KDM1A: variants seen among roughly 807,000 people sequenced by gnomAD.
The protein encoded by KDM1A is lysine-specific histone demethylase 1A.
KDM1A carries 49 observed loss-of-function variants against 109.4 expected under a neutral mutation model. That is an observed-to-expected ratio of 0.45 (90% CI 0.36 to 0.57). KDM1A has a LOEUF of 0.57. Ranked by LOEUF, KDM1A falls within the 20% of genes least tolerant of loss-of-function variation. The pLI is 0.00. For synonymous variants in KDM1A, 380 were observed against 415.4 expected, an observed-to-expected ratio of 0.91 and a Z score of 1.04; for missense variants, 668 against 1,116.6, an observed-to-expected ratio of 0.60 and a Z score of 5.73.
intron 1 of KDM1A, among the ~76,000 whole-genome samples, chr1:23,022,526 G>T (rs1557489900): frequency 6.6e-6 from 1 of 151,798 alleles, no homozygotes. Flanking sequence ...TTTTAGTAGA[G>T]ATGGGGTTTC....
chr1:23,070,269 C>G (rs960488547), intron 12 of KDM1A, among the ~76,000 whole-genome samples: 5 of 152,114 alleles, frequency 3.3e-5, no homozygotes, highest in African/African-American at 1.2e-4. Flanking sequence ...GTCAAGAGCT[C>G]GAGATCAGCC....
chr1:23,056,156 C>A, intron 7 of KDM1A, 118 bp downstream of exon 7: 1 of 658,448 alleles, frequency 1.5e-6, no homozygotes. Flanking sequence ...TTGTATAATA[C>A]TCAGAGTATT....
chr1:23,033,003 A>G (rs974425414), intron 2 of KDM1A, among the ~76,000 whole-genome samples: 3 of 152,098 alleles, frequency 2.0e-5, no homozygotes, highest in Non-Finnish European at 4.4e-5. Flanking sequence ...GGGTTAAGCA[A>G]TTCTCCTGCC....
intron 3 of KDM1A, among the ~76,000 whole-genome samples, chr1:23,045,161 A>G (rs114237440): frequency 6.6e-6 from 1 of 152,196 alleles, no homozygotes; most frequent in Admixed American, 6.5e-5. Flanking sequence ...CAGCAATCCA[A>G]AATAACGTAT....
At chr1:23,063,673 A>G (rs1450757220) in intron 9 of KDM1A, among the ~76,000 whole-genome samples, 1 of 152,202 alleles carries the variant, frequency 6.6e-6, no homozygotes, top group African/African-American at 2.4e-5. Context: ...AATTATAGTT[A>G]TAATACTGAC....
At chr1:23,076,639 A>G (rs1409296755) in intron 15 of KDM1A, among the ~76,000 whole-genome samples, 1 of 152,112 alleles carries the variant, frequency 6.6e-6, no homozygotes, top group African/African-American at 2.4e-5. Flanking sequence ...CCACCATAGA[A>G]GATCCGGACT....
chr1:23,035,806 TAGAG>T (rs1642125901), intron 2 of KDM1A, among the ~76,000 whole-genome samples: 1 of 152,160 alleles, frequency 6.6e-6, no homozygotes, highest in Admixed American at 6.5e-5. Context: ...AATTATTTAG[TAGAG>T]AAAGTATTAA....
At chr1:23,057,853 G>GAGTGC (rs1457941867) in intron 8 of KDM1A, 1 of 202,724 alleles carries the variant, frequency 4.9e-6, no homozygotes, top group Non-Finnish European at 9.3e-6. Context: ...ACCCAGGCTG[G>GAGTGC]AGTGCAGTGG....
chr1:23,043,426 TC>T (rs1208109134), intron 2 of KDM1A, among the ~76,000 whole-genome samples: 1 of 152,242 alleles, frequency 6.6e-6, no homozygotes, highest in Non-Finnish European at 1.5e-5. Flanking sequence ...TCTTTGTTGT[TC>T]CCTTCTAACT....
rs1369151454 is a variant in KDM1A at position 23,078,903 on chromosome 1, A to AT, written c.1868-86dup. On this transcript the variant is annotated intron_variant, in intron 16 of 20. Coordinates refer to ENST00000400181, the MANE Select transcript of KDM1A (RefSeq NM_001009999.3). ...TAGAAAAATGAGAATTGAGAAATGG[A>AT]TGTCCATCTGTTGTACACTAAATGT... The AT allele has an allele frequency of 3.6e-6, 4 of 1,115,250 alleles. No individual in the cohort carries two copies. In the African/African-American group the frequency reaches 6.3e-5, roughly 17 times the overall value. The allele number at this position is 1,115,250 out of a possible 1,614,324, so 69.1% of individuals were successfully genotyped here. A position where few individuals can be genotyped will look rare whatever the true frequency, so the allele number is the denominator to read the frequency against.
At chr1:23,027,130 C>G (rs559902165) in intron 1 of KDM1A, among the ~76,000 whole-genome samples, 1 of 150,952 alleles carries the variant, frequency 6.6e-6, no homozygotes, top group African/African-American at 2.4e-5. Context: ...GCAAAAATCC[C>G]AAAATAAAAC....
chr1:23,052,856 C>T (rs1642711834), intron 4 of KDM1A, among the ~76,000 whole-genome samples: 1 of 152,106 alleles, frequency 6.6e-6, no homozygotes. Context: ...ATTTTTTCCT[C>T]TAGGAACCCT....
intron 2 of KDM1A, among the ~76,000 whole-genome samples, chr1:23,036,444 G>GCCCCCCCCCCCCCCCCCCCCCC (rs5773033): frequency 2.5e-5 from 3 of 121,592 alleles, no homozygotes; most frequent in Non-Finnish European, 5.1e-5. Context: ...TTCTTGCCAC[G>GCCCCCCCCCCCCCCCCCCCCCC]CCCCCCCCCT....
intron 10 of KDM1A, among the ~76,000 whole-genome samples, chr1:23,068,029 C>G (rs370641822): frequency 1.2e-4 from 19 of 152,278 alleles, no homozygotes; most frequent in African/African-American, 4.3e-4. Context: ...TATTAGTAGC[C>G]ATGAATTTCA....
At position 23,030,468 on chromosome 1, in the gene KDM1A, G is replaced by A; in HGVS notation, c.352-1G>A. 6.4e-7 allele frequency: 1 copy of A among 1,559,788 alleles called. No individual in the cohort carries two copies. Among genetic ancestry groups the A allele is most frequent in the Non-Finnish European group, 8.6e-7 (1 of 1,160,476 alleles). ...CTTTCCCTGGTATGATCTCCATATA[G>A]GTAGAGTACAGAGAGATGGATGAAA... On this transcript the variant is annotated splice_acceptor_variant, in intron 1 of 20. Coordinates refer to ENST00000400181, the MANE Select transcript of KDM1A (RefSeq NM_001009999.3). LOFTEE classifies it high-confidence loss of function.
At chr1:23,069,428 C>T (rs1161766370) in intron 12 of KDM1A, among the ~76,000 whole-genome samples, 1 of 152,126 alleles carries the variant, frequency 6.6e-6, no homozygotes, top group African/African-American at 2.4e-5. Context: ...TGGCCTCCCT[C>T]AGTCACATTG....
intron 5 of KDM1A, 22 bp downstream of exon 5, chr1:23,053,861 A>G: frequency 8.1e-7 from 1 of 1,234,896 alleles, no homozygotes; most frequent in South Asian, 1.2e-5. Context: ...GTTCAATAGG[A>G]CTAATTTGTA....
chr1:23,052,175 G>A (rs763826175), intron 4 of KDM1A, among the ~76,000 whole-genome samples: 3 of 152,134 alleles, frequency 2.0e-5, no homozygotes, highest in South Asian at 2.1e-4. Flanking sequence ...AGGGTTTCCC[G>A]ATGTTAGATT....
intron 13 of KDM1A, among the ~76,000 whole-genome samples, 157 bp downstream of exon 13, chr1:23,071,516 G>A (rs1357659718): frequency 6.6e-6 from 1 of 152,182 alleles, no homozygotes; most frequent in Non-Finnish European, 1.5e-5. Flanking sequence ...GATTTAATGG[G>A]TTAGTTCGGT....
Sources: gnomAD v4.1 joint callset for allele counts (sites outside exome capture counted in the v4.1 genomes callset) on GRCh38, gnomAD v4.1.1 for gene constraint, MANE v1.5 for transcripts, NCBI Gene and HGNC (gene_info 2026-07-23, HGNC 2026-07-21) for gene names.